The following DOK6 variants were observed in gnomAD, a reference collection of about 807,000 sequenced individuals.
DOK6 encodes downstream of tyrosine kinase 6.
DOK6 carries 22 observed loss-of-function variants against 44.0 expected under a neutral mutation model. The observed-to-expected ratio is 0.50, with a 90% CI of 0.36 to 0.71. DOK6 has a LOEUF of 0.71. DOK6 is among the 30% of genes least tolerant of loss of function. The pLI is 0.00. For missense variants in DOK6, 340 were observed against 416.4 expected (o/e 0.82, Z 1.60); for synonymous variants, 166 against 145.5 (o/e 1.14, Z -1.01).
At chr18:69,411,143 A>C (rs919727825) in intron 1 of DOK6, among the ~76,000 whole-genome samples, 3 of 152,170 alleles carry the variant, frequency 2.0e-5, no homozygotes, top group Non-Finnish European at 4.4e-5. Context: ...TCAAGCTGAC[A>C]AGTCGTGAAT....
intron 3 of DOK6, chr18:69,643,882 G>C (rs1439642555): frequency 6.6e-6 from 1 of 152,096 alleles, no homozygotes; most frequent in Non-Finnish European, 1.5e-5. Context: ...TAGTAGTCCA[G>C]TTTTCACAAC....
At position 69,534,882 on chromosome 18, in the gene DOK6, C is replaced by G. The variant is rs538286119; in HGVS notation, c.67-29605C>G. ...AAAATTATTCACAAGGAATATTCCA[C>G]TTTGATTTTATAAAGACTTTTGAAC... On this transcript the variant is annotated intron_variant, in intron 1 of 7. Coordinates refer to ENST00000382713, the MANE Select transcript of DOK6 (RefSeq NM_152721.6). Among the ~76,000 whole-genome samples the G allele has an allele frequency of 2.0e-5, 3 of 152,158 alleles. No homozygotes were observed. The South Asian group carries it at 6.2e-4, about 32-fold the overall frequency.
At chr18:69,629,880 T>G (rs1216806140) in intron 3 of DOK6, among the ~76,000 whole-genome samples, 1 of 152,172 alleles carries the variant, frequency 6.6e-6, no homozygotes, top group Non-Finnish European at 1.5e-5. Flanking sequence ...AATTTCTGCC[T>G]CCCAGGTTCA....
At chr18:69,519,366 A>C (rs1474086935) in intron 1 of DOK6, among the ~76,000 whole-genome samples, 3 of 152,032 alleles carry the variant, frequency 2.0e-5, no homozygotes, top group Non-Finnish European at 4.4e-5. Context: ...AGACTAACAT[A>C]ATCAGAATAC....
chr18:69,667,859 A>G (rs1317312982), intron 3 of DOK6, among the ~76,000 whole-genome samples: 1 of 152,088 alleles, frequency 6.6e-6, no homozygotes, highest in Non-Finnish European at 1.5e-5. Flanking sequence ...AGGAATCAAT[A>G]TACTGTTGAC....
At chr18:69,509,654 AAAAAAAAAAC>A (rs1568280620) in intron 1 of DOK6, among the ~76,000 whole-genome samples, 2 of 149,638 alleles carry the variant, frequency 1.3e-5, no homozygotes, top group South Asian at 2.1e-4. Flanking sequence ...AAAAAAAAAA[AAAAAAAAAAC>A]ACACAAGTCA....
intron 1 of DOK6, among the ~76,000 whole-genome samples, chr18:69,513,535 A>C (rs17187218): frequency 0.4 from 61,411 of 151,824 alleles, 13,358 homozygotes; most frequent in Non-Finnish European, 0.49. Flanking sequence ...TCTAACCAAC[A>C]TGACATTGCT....
intron 1 of DOK6, among the ~76,000 whole-genome samples, chr18:69,421,881 TCACCTGGAGAACTGGGCTTCC>T (rs1978502905): frequency 2.7e-5 from 1 of 37,540 alleles, no homozygotes; most frequent in Admixed American, 3.2e-4. Context: ...CCCAGCTTCC[TCACCTGGAGAACTGGGCTTCC>T]TCACCTTCAC....
intron 1 of DOK6, among the ~76,000 whole-genome samples, chr18:69,468,566 T>C (rs1006395526): frequency 2.0e-5 from 3 of 152,206 alleles, no homozygotes; most frequent in Non-Finnish European, 4.4e-5. Context: ...ATTTCCTACA[T>C]AGTCTGTCAG....
intron 3 of DOK6, among the ~76,000 whole-genome samples, chr18:69,655,784 C>CAAAAAAAAAAAAAAAAAAA (rs1568323751): frequency 2.2e-5 from 1 of 46,044 alleles, no homozygotes; most frequent in Non-Finnish European, 4.3e-5. Context: ...AAAAAAAAAA[C>CAAAAAAAAAAAAAAAAAAA]AAAAGAACAA....
chr18:69,753,798 G>A (rs1979263348), intron 6 of DOK6, among the ~76,000 whole-genome samples: 1 of 148,678 alleles, frequency 6.7e-6, no homozygotes, highest in Non-Finnish European at 1.5e-5. Context: ...CACAAAGATT[G>A]CAGAATTTTG....
At chr18:69,659,156 C>T (rs1169366108) in intron 3 of DOK6, among the ~76,000 whole-genome samples, 1 of 152,216 alleles carries the variant, frequency 6.6e-6, no homozygotes, top group Non-Finnish European at 1.5e-5. Context: ...GCACCCTGAG[C>T]TCTGCATGTT....
intron 7 of DOK6, among the ~76,000 whole-genome samples, chr18:69,802,092 C>T (rs1980919412): frequency 6.6e-6 from 1 of 152,122 alleles, no homozygotes; most frequent in African/African-American, 2.4e-5. Flanking sequence ...TTCATATCAT[C>T]TGAACCCCAC....
intron 5 of DOK6, among the ~76,000 whole-genome samples, chr18:69,698,796 C>A (rs72965520): frequency 0.046 from 6,943 of 152,092 alleles, 343 homozygotes; most frequent in African/African-American, 0.12. Context: ...GCTAATTACC[C>A]CATTCAAAAT....
At chr18:69,805,543 A>T (rs1981029571) in intron 7 of DOK6, among the ~76,000 whole-genome samples, 1 of 152,220 alleles carries the variant, frequency 6.6e-6, no homozygotes, top group South Asian at 2.1e-4. Context: ...AGGTGGTGCT[A>T]TAATTTTGCT....
At chr18:69,593,186 G>C (rs1599210735) in intron 2 of DOK6, among the ~76,000 whole-genome samples, 1 of 151,940 alleles carries the variant, frequency 6.6e-6, no homozygotes, top group East Asian at 1.9e-4. Context: ...ATAACATAGA[G>C]AGAGCCCATT....
At chr18:69,472,484 T>C (rs1332067526) in intron 1 of DOK6, among the ~76,000 whole-genome samples, 2 of 152,192 alleles carry the variant, frequency 1.3e-5, no homozygotes, top group Non-Finnish European at 2.9e-5. Context: ...TGCCTTGGAA[T>C]TGTTGTCTGT....
At chr18:69,569,997 A>G (rs182165497) in intron 2 of DOK6, among the ~76,000 whole-genome samples, 1 of 152,120 alleles carries the variant, frequency 6.6e-6, no homozygotes, top group African/African-American at 2.4e-5. Context: ...TAATGAGAAC[A>G]TATGGACAGA....
At chr18:69,751,173 A>T (rs930925272) in intron 6 of DOK6, among the ~76,000 whole-genome samples, 12 of 152,292 alleles carry the variant, frequency 7.9e-5, no homozygotes, top group Admixed American at 5.2e-4. Context: ...TTTTATTTTG[A>T]TTTTGAGTGT....
Sources: allele counts gnomAD v4.1 joint callset (sites outside exome capture counted in the v4.1 genomes callset), GRCh38; gene constraint gnomAD v4.1.1; transcripts MANE v1.5; gene names NCBI Gene and HGNC (gene_info 2026-07-23, HGNC 2026-07-21).